CEP112: variants seen among roughly 807,000 people sequenced by gnomAD.
CEP112 encodes centrosomal protein of 112 kDa.
Under a neutral mutation model 153.0 loss-of-function variants are expected in CEP112, and 127 were observed. The observed-to-expected ratio is 0.83, with a 90% CI of 0.72 to 0.96. CEP112 has a LOEUF of 0.96. CEP112 is among the 40% of genes least tolerant of loss of function. The pLI is 0.00. For synonymous variants in CEP112, 358 were observed against 374.4 expected (o/e 0.96, Z 0.51); for missense variants, 1,089 against 1,101.2 (o/e 0.99, Z 0.16).
At chr17:65,757,294 A>G (rs143445063) in intron 21 of CEP112, among the ~76,000 whole-genome samples, 7 of 152,318 alleles carry the variant, frequency 4.6e-5, no homozygotes, top group Non-Finnish European at 1.0e-4. Flanking sequence ...CTCTGCTGGA[A>G]GTGCAGGCAA....
At chr17:65,887,089 T>C (rs781247461) in intron 20 of CEP112, among the ~76,000 whole-genome samples, 1 of 151,526 alleles carries the variant, frequency 6.6e-6, no homozygotes, top group Non-Finnish European at 1.5e-5. Flanking sequence ...TAGTGAGTAG[T>C]AGCAAGAAAA....
At chr17:65,893,263 A>G (rs1269865516) in intron 20 of CEP112, among the ~76,000 whole-genome samples, 1 of 152,088 alleles carries the variant, frequency 6.6e-6, no homozygotes, top group Non-Finnish European at 1.5e-5. Context: ...GCACACTTCA[A>G]TCTCTGAGGA....
At chr17:66,161,626 T>C (rs1305381777) in intron 4 of CEP112, among the ~76,000 whole-genome samples, 2 of 151,376 alleles carry the variant, frequency 1.3e-5, no homozygotes, top group South Asian at 2.1e-4. Flanking sequence ...TAAGTGGGAG[T>C]TGAACATGAG....
rs2047394384 is a variant in CEP112 at position 65,679,184 on chromosome 17, G to A, written c.2697+9945C>T. On this transcript the variant is annotated intron_variant, in intron 24 of 26. Transcript: ENST00000535342. ...TTTTTTTTTTTTTCAGAAAACAGAG[G>A]CAAGTGTTCAAACTGTCACGGAGAA... Among the ~76,000 whole-genome samples, 4 of 97,538 alleles carry A rather than the reference G, an allele frequency of 4.1e-5. No individual in the cohort carries two copies. The Admixed American group carries it at 6.6e-4, about 16-fold the overall frequency. The allele number at this position is 97,538 out of a possible 152,430, so 64.0% of individuals were successfully genotyped here.
intron 21 of CEP112, among the ~76,000 whole-genome samples, chr17:65,850,203 T>C (rs1405750363): frequency 4.0e-5 from 6 of 150,594 alleles, no homozygotes; most frequent in African/African-American, 1.5e-4. Context: ...TCCTGAACTG[T>C]ATATTTTAGC....
rs541061256 is a variant in CEP112 at position 66,175,069 on chromosome 17, C to T, written c.445G>A (p.Val149Ile). The change falls in exon 4 of 27, where the codon GTA (valine) becomes ATA (isoleucine). Residue 149 changes from valine to isoleucine, a missense_variant. Physicochemically the swap from Val to Ile is conservative, Grantham distance 29. Coordinates refer to ENST00000535342, the MANE Select transcript of CEP112 (RefSeq NM_001199165.4). The stretch of plus-strand genomic sequence containing the variant: ...CTGTAGACATCAGTTGGCGACTGTA[C>T]TAAAGTGTTATCTTCTCCAGAAGAG... The part of the protein sequence containing the change: ...KLSSGEDNTL[V>I]QSPTDVYSRE... The T allele has an allele frequency of 1.2e-6, 2 of 1,611,166 alleles. No homozygotes were observed. The highest frequency in any genetic ancestry group is 3.4e-5 in the Admixed American group (2 of 59,440).
intron 24 of CEP112, among the ~76,000 whole-genome samples, chr17:65,681,533 A>AT (rs753171788): frequency 1.3e-5 from 2 of 149,256 alleles, no homozygotes; most frequent in East Asian, 1.9e-4. Context: ...TCCTGCTAGC[A>AT]TCTAGGATGC....
At chr17:66,026,943 C>T (rs2065237219) in intron 16 of CEP112, among the ~76,000 whole-genome samples, 1 of 152,138 alleles carries the variant, frequency 6.6e-6, no homozygotes, top group African/African-American at 2.4e-5. Flanking sequence ...GCCAACTGTA[C>T]TCTTCACTCA....
intron 11 of CEP112, among the ~76,000 whole-genome samples, chr17:66,060,175 G>A (rs1426540867): frequency 1.3e-5 from 2 of 152,008 alleles, no homozygotes; most frequent in African/African-American, 4.8e-5. Flanking sequence ...AACTACTGTT[G>A]GGCACTATGC....
chr17:65,853,669 A>C (rs1213226306), intron 20 of CEP112, among the ~76,000 whole-genome samples: 1 of 151,674 alleles, frequency 6.6e-6, no homozygotes, highest in African/African-American at 2.4e-5. Flanking sequence ...TGGAGGTTGC[A>C]GTGAGCTGAA....
intron 12 of CEP112, among the ~76,000 whole-genome samples, chr17:66,051,450 T>C (rs2066438326): frequency 6.6e-6 from 1 of 151,108 alleles, no homozygotes; most frequent in Non-Finnish European, 1.5e-5. Context: ...CAACTTACAT[T>C]ATATTGTACT....
intron 4 of CEP112, among the ~76,000 whole-genome samples, chr17:66,154,440 G>A (rs142877700): frequency 1.3e-4 from 20 of 152,110 alleles, no homozygotes; most frequent in African/African-American, 3.4e-4. Context: ...ACTTAAGCCC[G>A]GGAGGCAGAG....
intron 21 of CEP112, among the ~76,000 whole-genome samples, chr17:65,777,137 G>A (rs1156572007): frequency 6.6e-6 from 1 of 152,152 alleles, no homozygotes; most frequent in Non-Finnish European, 1.5e-5. Context: ...GCAGCTTCTG[G>A]AAACTTCCTT....
chr17:66,120,803 AG>A (rs1160952190), intron 6 of CEP112, among the ~76,000 whole-genome samples: 1 of 152,140 alleles, frequency 6.6e-6, no homozygotes, highest in Non-Finnish European at 1.5e-5. Flanking sequence ...TTAAAAATCC[AG>A]CTTTTGGTTT....
intron 21 of CEP112, among the ~76,000 whole-genome samples, chr17:65,839,936 A>C (rs1409842639): frequency 6.6e-6 from 1 of 152,052 alleles, no homozygotes; most frequent in Non-Finnish European, 1.5e-5. Context: ...CGATAAAAAA[A>C]ATCTAGGAAT....
chr17:65,913,662 T>C (rs1054149700), intron 19 of CEP112: 12 of 985,286 alleles, frequency 1.2e-5, no homozygotes, highest in African/African-American at 8.7e-5. Context: ...TAACCGCTGT[T>C]AGAGATGGTA....
chr17:66,043,070 C>T, intron 12 of CEP112: 1 of 980,602 alleles, frequency 1.0e-6, no homozygotes. Flanking sequence ...TTTTGGCACT[C>T]TTTAAGGTAA....
chr17:65,849,472 T>C (rs572406277), intron 21 of CEP112, among the ~76,000 whole-genome samples: 4 of 152,350 alleles, frequency 2.6e-5, no homozygotes, highest in East Asian at 1.9e-4. Context: ...TTCTGGAATA[T>C]AAAAATTCAG....
intron 23 of CEP112, among the ~76,000 whole-genome samples, chr17:65,715,600 G>A (rs752040962): frequency 1.8e-4 from 27 of 151,874 alleles, no homozygotes; most frequent in Non-Finnish European, 3.2e-4. Context: ...ACAGGCTCCC[G>A]CCACCACGCC....
Sources: allele counts gnomAD v4.1 joint callset (sites outside exome capture counted in the v4.1 genomes callset), GRCh38; gene constraint gnomAD v4.1.1; transcripts MANE v1.5; gene names NCBI Gene and HGNC (gene_info 2026-07-23, HGNC 2026-07-21).